TTLL7: variants seen among roughly 807,000 people sequenced by gnomAD.
The protein encoded by TTLL7 is tubulin polyglutamylase TTLL7.
TTLL7 carries 53 observed loss-of-function variants against 120.2 expected under a neutral mutation model. The observed-to-expected ratio is 0.44, with a 90% confidence interval of 0.35 to 0.55. TTLL7 has a LOEUF of 0.55. Ranked by LOEUF, TTLL7 falls within the 20% of genes least tolerant of loss-of-function variation. The pLI, the probability that TTLL7 is intolerant of heterozygous loss-of-function variation, is 0.00. For synonymous variants in TTLL7, 353 were observed against 351.7 expected, an observed-to-expected ratio of 1.00 and a Z score of -0.04; for missense variants, 803 against 1,054.7, an observed-to-expected ratio of 0.76 and a Z score of 3.31.
At chr1:83,894,796 T>A (rs893374607) in intron 18 of TTLL7, among the ~76,000 whole-genome samples, 2 of 152,194 alleles carry the variant, frequency 1.3e-5, no homozygotes, top group South Asian at 2.1e-4. Context: ...ACTAGGCACA[T>A]TCTCCTTCCT....
rs1481140851 is a variant in TTLL7 at position 83,869,820 on chromosome 1, C to T, written c.*142G>A. On this transcript the variant is annotated 3_prime_UTR_variant, in exon 21 of 21. Transcript: ENST00000260505. ...ATAATAAATATATGTTATTAGGGTG[C>T]ATATGTGCATATATTTTCACACATA... is the stretch of plus-strand genomic sequence containing the variant. 3.0e-6 allele frequency: 2 copies of T among 661,438 alleles called. No homozygotes were observed. The highest frequency in any genetic ancestry group is 2.6e-5 in the South Asian group (1 of 39,214). 41.0% of individuals were successfully genotyped at this position (661,438 alleles called of 1,614,324 possible). A position where few individuals can be genotyped will look rare whatever the true frequency, so the allele number is the denominator to read the frequency against.
At chr1:83,908,951 A>G (rs1657446712) in intron 15 of TTLL7, among the ~76,000 whole-genome samples, 2 of 152,170 alleles carry the variant, frequency 1.3e-5, no homozygotes, top group South Asian at 2.1e-4. Flanking sequence ...CTTTGTTCCA[A>G]TGATTAACTT....
Position 83,947,211 on chromosome 1 carries a change from T to C in TTLL7, c.419A>G (p.Gln140Arg). 3 of 1,613,188 alleles carry C rather than the reference T, an allele frequency of 1.9e-6. No individual in the cohort carries two copies. The highest frequency in any genetic ancestry group is 2.2e-5 in the South Asian group (2 of 90,834). ...CAATTCTTTCACATAATTTTGGAAT[T>C]GAGTATATTCAGCAGGAAAGATCCA... The part of the protein sequence containing the change: ...RTWIFPAEYT[Q>R]FQNYVKELKK... The change falls in exon 6 of 21, where the codon CAA (glutamine) becomes CGA (arginine). Residue 140 changes from glutamine (Q) to arginine (R), a missense_variant. Gln to Arg is a conservative substitution (Grantham distance 43). This residue lies in a region of TTLL7 where 324 missense variants were observed against 507.7 expected (regional missense o/e 0.64). Transcript: ENST00000260505.
chr1:83,968,827 A>T (rs1650718328), intron 1 of TTLL7, among the ~76,000 whole-genome samples: 1 of 152,072 alleles, frequency 6.6e-6, no homozygotes, highest in Admixed American at 6.6e-5. Flanking sequence ...ATAAGCATTA[A>T]AGTTGTCTAG....
intron 6 of TTLL7, among the ~76,000 whole-genome samples, chr1:83,945,667 T>C (rs1002616550): frequency 6.6e-6 from 1 of 152,146 alleles, no homozygotes; most frequent in Non-Finnish European, 1.5e-5. Context: ...CCCTTTCAGT[T>C]ATCTGCTTTT....
chr1:83,895,391 T>A (rs1021874462), intron 18 of TTLL7, among the ~76,000 whole-genome samples: 1 of 152,080 alleles, frequency 6.6e-6, no homozygotes, highest in African/African-American at 2.4e-5. Context: ...CTTTTACATA[T>A]ATTAACTCAT....
Position 83,990,217 on chromosome 1 carries a change from G to A in TTLL7, c.-177+8714C>T, listed in dbSNP as rs1428116634. On this transcript the variant is annotated intron_variant, in intron 1 of 20. Coordinates refer to ENST00000260505, the MANE Select transcript of TTLL7 (RefSeq NM_024686.6). ...GGAGTCTCGCTCTGTCGCCCAGGCC[G>A]GACTGCGGACTGCAGTGGCGCAATC... 4.4e-5 allele frequency among the ~76,000 whole-genome samples: 6 copies of A among 136,552 alleles called. No individual in the cohort carries two copies. The South Asian group carries it at 6.9e-4, about 16-fold the overall frequency. 89.6% of individuals were successfully genotyped at this position (136,552 alleles called of 152,430 possible).
intron 1 of TTLL7, among the ~76,000 whole-genome samples, chr1:83,986,424 T>C (rs546468756): frequency 6.6e-6 from 1 of 152,336 alleles, no homozygotes; most frequent in South Asian, 2.1e-4. Flanking sequence ...CAACATTCAT[T>C]CAGGATAAAA....
intron 15 of TTLL7, among the ~76,000 whole-genome samples, chr1:83,910,933 C>T (rs1007752818): frequency 6.6e-5 from 10 of 151,996 alleles, no homozygotes; most frequent in African/African-American, 9.7e-5. Flanking sequence ...CTAACAAAAA[C>T]GATGAAATAT....
At chr1:83,907,336 G>T in intron 16 of TTLL7, 120 bp downstream of exon 16, 1 of 834,972 alleles carries the variant, frequency 1.2e-6, no homozygotes. Flanking sequence ...CAAATTTCAA[G>T]AGGTCATGAG....
chr1:83,945,755 T>C (rs1247455791), intron 6 of TTLL7, among the ~76,000 whole-genome samples: 1 of 151,684 alleles, frequency 6.6e-6, no homozygotes. Flanking sequence ...AGTATATAAA[T>C]ATAGATATTT....
chr1:83,935,490 G>A (rs1181573548), intron 8 of TTLL7, among the ~76,000 whole-genome samples: 4 of 151,702 alleles, frequency 2.6e-5, no homozygotes, highest in Non-Finnish European at 4.4e-5. Flanking sequence ...GCTTTAAAAC[G>A]TGATTTGTAG....
chr1:83,899,656 C>A (rs921553475), intron 18 of TTLL7, among the ~76,000 whole-genome samples: 9 of 151,832 alleles, frequency 5.9e-5, no homozygotes, highest in African/African-American at 2.2e-4. Context: ...TTCCTGAAGA[C>A]TGAATACATC....
intron 1 of TTLL7, among the ~76,000 whole-genome samples, chr1:83,966,753 A>T (rs751667775): frequency 6.6e-6 from 1 of 152,110 alleles, no homozygotes; most frequent in South Asian, 2.1e-4. Context: ...TAAAATTGTG[A>T]TTATCTTATA....
At chr1:83,929,941 G>A (rs1019215291) in intron 9 of TTLL7, among the ~76,000 whole-genome samples, 3 of 152,010 alleles carry the variant, frequency 2.0e-5, no homozygotes, top group East Asian at 1.9e-4. Context: ...TATGCTACTA[G>A]TCACAGTTAT....
chr1:83,952,388 C>A lies in TTLL7; in HGVS notation c.-176-1G>T. ...CCAAAGTTATGGGATAACAAGGTAC[C>A]TGCAGTGATTTTAAAACAAGGTCAT... On this transcript the variant is annotated splice_acceptor_variant, in intron 1 of 20. Coordinates refer to ENST00000260505, the MANE Select transcript of TTLL7 (RefSeq NM_024686.6). LOFTEE classifies it low-confidence loss of function (5UTR_SPLICE). The A allele has an allele frequency of 1.3e-5, 7 of 544,606 alleles. No homozygotes were observed. Among genetic ancestry groups the A allele is most frequent in the Non-Finnish European group, 2.1e-5 (7 of 333,806 alleles). The allele number at this position is 544,606 out of a possible 1,614,324, so 33.7% of individuals were successfully genotyped here.
At chr1:83,975,161 G>A (rs541132234) in intron 1 of TTLL7, among the ~76,000 whole-genome samples, 2 of 152,218 alleles carry the variant, frequency 1.3e-5, no homozygotes, top group African/African-American at 4.8e-5. Context: ...TATCTACCAT[G>A]TTACATACAT....
chr1:83,892,950 GAAAAGAATA>G (rs1655889805), intron 18 of TTLL7, among the ~76,000 whole-genome samples: 2 of 89,204 alleles, frequency 2.2e-5, no homozygotes, highest in East Asian at 5.1e-4. Flanking sequence ...AAGAAAGAAA[GAAAAGAATA>G]AAAGAAAGAA....
chr1:83,990,072 A>T (rs375872696), intron 1 of TTLL7, among the ~76,000 whole-genome samples: 1 of 151,400 alleles, frequency 6.6e-6, no homozygotes, highest in Admixed American at 6.6e-5. Flanking sequence ...ACAGCTGTTT[A>T]TAAGTTCCAG....
Sources: gnomAD v4.1 joint callset for allele counts (sites outside exome capture counted in the v4.1 genomes callset) on GRCh38, gnomAD v4.1.1 for gene constraint, gnomAD v4.1.1 regional missense constraint, MANE v1.5 for transcripts, NCBI Gene and HGNC (gene_info 2026-07-23, HGNC 2026-07-21) for gene names.